Variants in NIM1K observed in about 807,000 individuals in gnomAD.
NIM1K encodes the protein serine/threonine-protein kinase NIM1.
NIM1K carries 35 observed loss-of-function variants against 37.1 expected under a neutral mutation model. The ratio of observed to expected loss-of-function variants is 0.94; its 90% CI spans 0.72 to 1.25. NIM1K has a LOEUF of 1.25. Among genes scored for constraint, NIM1K ranks in the 50% most tolerant of loss-of-function variants. The pLI is 0.00. For missense variants in NIM1K, 564 were observed against 548.0 expected, an observed-to-expected ratio of 1.03 and a Z score of -0.29; for synonymous variants, 234 against 206.6, an observed-to-expected ratio of 1.13 and a Z score of -1.14.
chr5:43,234,242 TTTCATTCATTCA>T (rs56064948), intron 1 of NIM1K, among the ~76,000 whole-genome samples: 14 of 151,144 alleles, frequency 9.3e-5, no homozygotes, highest in Non-Finnish European at 1.6e-4. Flanking sequence ...CGTGTCATTC[TTTCATTCATTCA>T]TTCATTCATT....
chr5:43,207,277 G>C, intron 1 of NIM1K: 2 of 759,554 alleles, frequency 2.6e-6, no homozygotes, highest in Non-Finnish European at 4.9e-6. Flanking sequence ...TACTCATTCT[G>C]GGAGAGAGAG....
At chr5:43,212,269 C>T (rs1561074342) in intron 1 of NIM1K, among the ~76,000 whole-genome samples, 1 of 151,980 alleles carries the variant, frequency 6.6e-6, no homozygotes, top group African/African-American at 2.4e-5. Context: ...GCCAACGGAT[C>T]GCACATCATT....
At chr5:43,256,280 T>C (rs1314763600) in intron 2 of NIM1K, among the ~76,000 whole-genome samples, 1 of 152,162 alleles carries the variant, frequency 6.6e-6, no homozygotes, top group Non-Finnish European at 1.5e-5. Context: ...TGAAGGTGGT[T>C]TGGACTAGGA....
intron 1 of NIM1K, chr5:43,231,711 T>C (rs773495290): frequency 4.8e-4 from 315 of 660,138 alleles, no homozygotes; most frequent in Non-Finnish European, 7.6e-4. Flanking sequence ...TATTAGAGCA[T>C]ACACTGCTAC....
chr5:43,229,384 CAAAA>C (rs58730944), intron 1 of NIM1K, among the ~76,000 whole-genome samples: 2 of 89,994 alleles, frequency 2.2e-5, no homozygotes, highest in African/African-American at 4.4e-5. Flanking sequence ...AACTCCATCT[CAAAA>C]AAAAAAAAAA....
intron 1 of NIM1K, among the ~76,000 whole-genome samples, chr5:43,209,240 A>T (rs1393053886): frequency 1.3e-5 from 2 of 152,182 alleles, no homozygotes; most frequent in African/African-American, 4.8e-5. Flanking sequence ...TAAACATTGT[A>T]ATGCCTCCAA....
At chr5:43,217,947 G>A (rs887563607) in intron 1 of NIM1K, among the ~76,000 whole-genome samples, 6 of 151,958 alleles carry the variant, frequency 3.9e-5, no homozygotes, top group South Asian at 2.1e-4. Flanking sequence ...CCTCACCTCA[G>A]GTGATCCACC....
At chr5:43,209,087 C>T (rs1752167996) in intron 1 of NIM1K, among the ~76,000 whole-genome samples, 1 of 152,202 alleles carries the variant, frequency 6.6e-6, no homozygotes, top group African/African-American at 2.4e-5. Flanking sequence ...GCGACTAACA[C>T]ATCACACCCT....
intron 1 of NIM1K, among the ~76,000 whole-genome samples, chr5:43,219,153 C>T (rs1337576767): frequency 6.6e-6 from 1 of 152,100 alleles, no homozygotes; most frequent in African/African-American, 2.4e-5. Context: ...CTCCCCAGCC[C>T]TGTGGAACCA....
intron 2 of NIM1K, 129 bp from the exon 3 acceptor site, chr5:43,276,928 T>C: frequency 1.1e-6 from 1 of 891,874 alleles, no homozygotes; most frequent in Non-Finnish European, 1.8e-6. Flanking sequence ...TGTCATTCCC[T>C]GATGAGCTCT....
chr5:43,225,787 A>G (rs750188256), intron 1 of NIM1K: 2 of 153,380 alleles, frequency 1.3e-5, no homozygotes, highest in African/African-American at 4.8e-5. Flanking sequence ...TGTTATCTTC[A>G]TAGTATTTGC....
intron 1 of NIM1K, among the ~76,000 whole-genome samples, chr5:43,238,711 G>T (rs1486682423): frequency 1.3e-5 from 2 of 151,880 alleles, no homozygotes; most frequent in East Asian, 3.9e-4. Context: ...TTTCTTGATG[G>T]AGAACTTTCA....
In NIM1K at chr5:43,269,700, G is replaced by T. The variant is rs143026752; in HGVS notation, c.293-7357G>T. Reference sequence around the variant, plus strand: ...GTGGCGAGATCTCTGCTCACTGCAAGCTCCGCCTCCTGGGTTCATGCCATT... The same window carrying T: ...GTGGCGAGATCTCTGCTCACTGCAATCTCCGCCTCCTGGGTTCATGCCATT... On this transcript the variant is annotated intron_variant, in intron 2 of 3. Transcript: ENST00000326035. Among the ~76,000 whole-genome samples the T allele has an allele frequency of 4.1e-3, 618 of 151,822 alleles. 2 individuals carry two copies. The highest frequency in any genetic ancestry group is 5.8e-3 in the Non-Finnish European group (396 of 67,884).
chr5:43,209,081 C>T (rs1218849996), intron 1 of NIM1K, among the ~76,000 whole-genome samples: 3 of 152,192 alleles, frequency 2.0e-5, no homozygotes, highest in African/African-American at 7.2e-5. Flanking sequence ...CTGGAAGCGA[C>T]TAACACATCA....
intron 1 of NIM1K, among the ~76,000 whole-genome samples, chr5:43,198,149 TTC>T (rs1338751455): frequency 6.4e-5 from 3 of 47,088 alleles, no homozygotes; most frequent in Non-Finnish European, 9.1e-5. Context: ...CTTTCTTTCT[TTC>T]TTTCTTTCTT....
intron 2 of NIM1K, among the ~76,000 whole-genome samples, chr5:43,249,349 T>C (rs1752834523): frequency 6.6e-6 from 1 of 152,178 alleles, no homozygotes; most frequent in Non-Finnish European, 1.5e-5. Flanking sequence ...ATTACAGGCC[T>C]GAGCCACCGT....
chr5:43,232,345 A>G, intron 1 of NIM1K: 1 of 1,325,456 alleles, frequency 7.5e-7, no homozygotes, highest in Non-Finnish European at 1.1e-6. Flanking sequence ...TTCTCAGCAG[A>G]GATGACAGGG....
In NIM1K at chr5:43,213,208, TCTTTCTTTCTTTC is replaced by T. The variant is rs1561074851; in HGVS notation, c.-695+20798_-695+20810del. Among the ~76,000 whole-genome samples, 214 of 61,348 alleles carry T rather than the reference TCTTTCTTTCTTTC, an allele frequency of 3.5e-3. 4 individuals carry two copies. The highest frequency in any genetic ancestry group is 8.6e-3 in the African/African-American group (181 of 20,936). 40.2% of individuals were successfully genotyped at this position (61,348 alleles called of 152,430 possible). ...TTCTTTCTTTCTTTCTTTCTTTCTT[TCTTTCTTTCTTTC>T]TTTCCTTCTTTTCTTCCTTTCTTTC... On this transcript the variant is annotated intron_variant, in intron 1 of 3. Transcript: ENST00000326035.
At chr5:43,216,364 T>G (rs1274519430) in intron 1 of NIM1K, among the ~76,000 whole-genome samples, 1 of 151,440 alleles carries the variant, frequency 6.6e-6, no homozygotes, top group Non-Finnish European at 1.5e-5. Context: ...AGAAATCAGA[T>G]GCGATGACCA....
Sources: gnomAD v4.1 joint callset for allele counts (sites outside exome capture counted in the v4.1 genomes callset) on GRCh38, gnomAD v4.1.1 for gene constraint, MANE v1.5 for transcripts, NCBI Gene and HGNC (gene_info 2026-07-23, HGNC 2026-07-21) for gene names.